Variants in EFHC1 observed in about 807,000 individuals in gnomAD.
The protein encoded by EFHC1 is EF-hand domain-containing protein 1.
EFHC1 carries 53 observed loss-of-function variants against 69.9 expected under a neutral mutation model. The ratio of observed to expected loss-of-function variants is 0.76; its 90% CI spans 0.61 to 0.95. The LOEUF is 0.95. EFHC1 is among the 40% of genes least tolerant of loss of function. The pLI is 0.00. For synonymous variants in EFHC1, 256 were observed against 278.4 expected, an observed-to-expected ratio of 0.92 and a Z score of 0.80; for missense variants, 739 against 798.7, an observed-to-expected ratio of 0.93 and a Z score of 0.90.
Position 52,492,366 on chromosome 6 carries a change from A to T in EFHC1, c.*25A>T, listed in dbSNP as rs771508456. 53 of 1,601,026 alleles carry T rather than the reference A, an allele frequency of 3.3e-5. No individual in the cohort carries two copies. In the East Asian group the frequency reaches 1.1e-3, roughly 34 times the overall value. ...ACCTGCTGATGAGAAAATGCAAGAC[A>T]ATTTTTGATACTGGAACTATGCTTT... On this transcript the variant is annotated 3_prime_UTR_variant, in exon 11 of 11. Transcript: ENST00000371068.
In EFHC1 at chr6:52,469,389, T is replaced by C. The variant is rs201946033; in HGVS notation, c.1194T>C (p.Phe398=). The change falls in exon 7 of 11, where the codon TTT becomes TTC. Residue 398 remains phenylalanine, a synonymous_variant. Coordinates refer to ENST00000371068, the MANE Select transcript of EFHC1 (RefSeq NM_018100.4). ...TGGAAGATTCTGCTCAGAATTGTTT[T>C]GCTCTCATTCCAAAAGCTCCAAAAA... ...GLVEDSAQNC[F]ALIPKAPKKD... is the part of the protein sequence containing the mutation. The C allele has an allele frequency of 9.9e-5, 159 of 1,614,090 alleles. 1 individual carries two copies. In the East Asian group the frequency reaches 3.4e-3, roughly 34 times the overall value.
At chr6:52,455,508 G>T (rs897038895) in intron 5 of EFHC1, among the ~76,000 whole-genome samples, 1 of 152,100 alleles carries the variant, frequency 6.6e-6, no homozygotes, top group Admixed American at 6.5e-5. Context: ...CAAAAAATTA[G>T]CTGGGCGTGG....
rs1764581882 is a variant in EFHC1, at chr6:52,438,376, G to T, written c.358G>T (p.Val120Leu). 3 of 1,613,896 alleles carry T rather than the reference G, an allele frequency of 1.9e-6. No individual in the cohort carries two copies. The East Asian group carries it at 6.7e-5, about 36-fold the overall frequency. ...STEEQYRIRQ[V>L]NIYYYLEDDS... ...TGAGGAACAGTATAGGATCCGTCAG[G>T]TGAACATTTACTATTATCTAGAAGA... Residue 120 changes from valine to leucine, a missense_variant, in exon 3 of 11, where the codon GTG becomes TTG. Transcript: ENST00000371068.
rs751673863 is a variant in EFHC1 at position 52,492,514 on chromosome 6, T to G, written c.*173T>G. On this transcript the variant is annotated 3_prime_UTR_variant, in exon 11 of 11. Transcript: ENST00000371068. ...AATTGGATCTAATAGGATCTAAGATTGGTGCCTTATTTAGGGTGATAGGGG... is the reference window on the plus strand; with the variant it reads ...AATTGGATCTAATAGGATCTAAGATGGGTGCCTTATTTAGGGTGATAGGGG... The G allele has an allele frequency of 1.4e-6, 1 of 733,088 alleles. No homozygotes were observed. Among genetic ancestry groups the G allele is most frequent in the Non-Finnish European group, 2.4e-6 (1 of 415,882 alleles). The allele number at this position is 733,088 out of a possible 1,614,324, so 45.4% of individuals were successfully genotyped here. A position where few individuals can be genotyped will look rare whatever the true frequency, so the allele number is the denominator to read the frequency against.
intron 5 of EFHC1, among the ~76,000 whole-genome samples, chr6:52,456,265 T>C (rs1228312783): frequency 6.6e-6 from 1 of 152,268 alleles, no homozygotes; most frequent in Non-Finnish European, 1.5e-5. Context: ...CATATTCTTA[T>C]AATCAGTTCT....
At position 52,452,676 on chromosome 6, in the gene EFHC1, T is replaced by G; in HGVS notation, c.574-12T>G. On this transcript the variant is annotated splice_polypyrimidine_tract_variant and intron_variant, in intron 3 of 10. Coordinates refer to ENST00000371068, the MANE Select transcript of EFHC1 (RefSeq NM_018100.4). The stretch of plus-strand genomic sequence containing the variant: ...CAAGAAAGATGATCATTGTTAACTT[T>G]CAATTATTTAGGTATTTTTAGAAAG... 1 of 1,613,974 alleles carries G rather than the reference T, an allele frequency of 6.2e-7. No individual in the cohort carries two copies. The highest frequency in any genetic ancestry group is 1.1e-5 in the South Asian group (1 of 91,088).
At chr6:52,466,214 G>A (rs1429611383) in intron 6 of EFHC1, among the ~76,000 whole-genome samples, 1 of 152,170 alleles carries the variant, frequency 6.6e-6, no homozygotes, top group Non-Finnish European at 1.5e-5. Flanking sequence ...CAAAAGAAAG[G>A]CATGAATAAA....
chr6:52,455,866 G>A (rs1765033699), intron 5 of EFHC1, among the ~76,000 whole-genome samples: 1 of 152,146 alleles, frequency 6.6e-6, no homozygotes. Context: ...AAAATGTAGT[G>A]AAGGTACATT....
rs1384133298 is a variant in EFHC1, at chr6:52,493,080, G to A, written c.*739G>A. 2.2e-6 allele frequency: 1 copy of A among 453,868 alleles called. No homozygotes were observed. Among genetic ancestry groups the A allele is most frequent in the Non-Finnish European group, 4.4e-6 (1 of 226,770 alleles). 28.1% of individuals were successfully genotyped at this position (453,868 alleles called of 1,614,324 possible). ...AATAAAAAGGCTGACCTTTCCCCAG[G>A]TAAGAGAATTCCTCCTGCCTGACTG... On this transcript the variant is annotated 3_prime_UTR_variant, in exon 11 of 11. Transcript: ENST00000371068.
intron 5 of EFHC1, among the ~76,000 whole-genome samples, chr6:52,454,827 C>T (rs1349458057): frequency 6.6e-6 from 1 of 152,172 alleles, no homozygotes; most frequent in Non-Finnish European, 1.5e-5. Flanking sequence ...CATGATGGCT[C>T]ACTCCTGTAA....
At chr6:52,450,850 G>A (rs985999652) in intron 3 of EFHC1, among the ~76,000 whole-genome samples, 17 of 152,134 alleles carry the variant, frequency 1.1e-4, no homozygotes, top group South Asian at 2.1e-4. Flanking sequence ...CCAGGTTGGC[G>A]TGCAGTGGCG....
At chr6:52,436,036 ATAAAATAAGTG>A (rs1764525413) in intron 2 of EFHC1, among the ~76,000 whole-genome samples, 1 of 152,154 alleles carries the variant, frequency 6.6e-6, no homozygotes, top group Non-Finnish European at 1.5e-5. Flanking sequence ...TTCCTCCTTT[ATAAAATAAGTG>A]GGGTTGGGCT....
At position 52,490,267 on chromosome 6, in the gene EFHC1, G is replaced by C. The variant is rs749376467; in HGVS notation, c.1768G>C (p.Ala590Pro). 6.4e-5 allele frequency: 103 copies of C among 1,614,060 alleles called. No homozygotes were observed. The highest frequency in any genetic ancestry group is 8.6e-5 in the Non-Finnish European group (102 of 1,180,026). The change falls in exon 10 of 11, where the codon GCT (alanine) becomes CCT (proline). Residue 590 changes from alanine (A) to proline (P), a missense_variant. Transcript: ENST00000371068. ...REAFQIYDKEASGYVDRDMFF... is the reference protein window; with the variant it reads ...REAFQIYDKEPSGYVDRDMFF... ...GGCATTTCAAATTTATGACAAGGAAGCTTCAGGATATGTGGACAGAGACAT... is the reference window on the plus strand; with the variant it reads ...GGCATTTCAAATTTATGACAAGGAACCTTCAGGATATGTGGACAGAGACAT...
At chr6:52,469,825 AT>A (rs1381803049) in intron 7 of EFHC1, among the ~76,000 whole-genome samples, 1 of 152,094 alleles carries the variant, frequency 6.6e-6, no homozygotes, top group Non-Finnish European at 1.5e-5. Flanking sequence ...GTATACTGTG[AT>A]TTCTTTGAGG....
intron 1 of EFHC1, chr6:52,423,732 T>C: frequency 9.8e-7 from 1 of 1,021,992 alleles, no homozygotes; most frequent in Admixed American, 2.6e-5. Context: ...TCTCGAACTC[T>C]GGGGCTGAAG....
rs114467095 is a variant in EFHC1 at position 52,470,905 on chromosome 6, A to G, written c.1278+1432A>G. Among the ~76,000 whole-genome samples the G allele has an allele frequency of 5.6e-3, 846 of 152,364 alleles. 8 individuals carry two copies. Among genetic ancestry groups the G allele is most frequent in the African/African-American group, 0.019 (796 of 41,578 alleles). Reference sequence around the variant, plus strand: ...CACAAGCAACCTGGTCAAACATGATATATCACTAAAAGTTAAAGCATTTAC... The same window carrying G: ...CACAAGCAACCTGGTCAAACATGATGTATCACTAAAAGTTAAAGCATTTAC... On this transcript the variant is annotated intron_variant, in intron 7 of 10. Transcript: ENST00000371068.
At chr6:52,453,622 C>CAA (rs150509864) in intron 4 of EFHC1, 1,801 of 1,046,340 alleles carry the variant, frequency 1.7e-3, no homozygotes, top group South Asian at 5.9e-3. Context: ...GAAGCCTAGC[C>CAA]AAAAAAAAAA....
intron 2 of EFHC1, among the ~76,000 whole-genome samples, chr6:52,427,640 C>T (rs1764330402): frequency 1.3e-5 from 2 of 151,634 alleles, no homozygotes; most frequent in Non-Finnish European, 2.9e-5. Context: ...TGAGTGTATA[C>T]TTCATGAAGG....
intron 7 of EFHC1, among the ~76,000 whole-genome samples, chr6:52,472,290 T>C (rs910461734): frequency 6.6e-6 from 1 of 152,132 alleles, no homozygotes; most frequent in Non-Finnish European, 1.5e-5. Context: ...TTTCTGAGAT[T>C]AGGAACAAGG....
Sources: gnomAD v4.1 joint callset for allele counts (sites outside exome capture counted in the v4.1 genomes callset) on GRCh38, gnomAD v4.1.1 for gene constraint, MANE v1.5 for transcripts, NCBI Gene and HGNC (gene_info 2026-07-23, HGNC 2026-07-21) for gene names.